Variants in SCN1A observed in about 807,000 individuals in gnomAD.
SCN1A encodes sodium voltage-gated channel alpha subunit 1, also known as sodium channel protein type 1 subunit alpha.
A neutral mutation model predicts 193.7 loss-of-function variants in SCN1A; 13 were observed. The observed-to-expected ratio is 0.07, with a 90% CI of 0.04 to 0.11. SCN1A has a LOEUF of 0.11. SCN1A is among the 10% of genes least tolerant of loss of function. SCN1A has a pLI of 1.00. For missense variants in SCN1A, 1,432 were observed against 2,451.1 expected (o/e 0.58, Z 8.78); for synonymous variants, 781 against 843.6 (o/e 0.93, Z 1.29).
chr2:166,035,475 T>C (rs1448331425), intron 19 of SCN1A, among the ~76,000 whole-genome samples: 2 of 152,154 alleles, frequency 1.3e-5, no homozygotes, highest in Non-Finnish European at 2.9e-5. Context: ...ATGGAAAATA[T>C]ATAATAATAA....
At chr2:166,017,171 C>G (rs142378738) in intron 19 of SCN1A, among the ~76,000 whole-genome samples, 1 of 151,676 alleles carries the variant, frequency 6.6e-6, no homozygotes, top group African/African-American at 2.4e-5. Context: ...TCACTGAAGA[C>G]TAATTTCAAC....
rs1043098081 is a variant in SCN1A at position 165,987,348 on chromosome 2, T to G, written c.*3897A>C. 6.6e-6 allele frequency: 1 copy of G among 152,156 alleles called. No individual in the cohort carries two copies. The highest frequency in any genetic ancestry group is 2.4e-5 in the African/African-American group (1 of 41,434). 9.4% of individuals were successfully genotyped at this position (152,156 alleles called of 1,614,324 possible). ...AGTATACTTTCTTCTGTTTAAATTT[T>G]CTACTTAATAGAGAAGAGATACTTT... On this transcript the variant is annotated 3_prime_UTR_variant, in exon 29 of 29. Coordinates refer to ENST00000674923, the MANE Select transcript of SCN1A (RefSeq NM_001165963.4).
rs1057524122 is a variant in SCN1A, at chr2:166,015,632, A to C, written c.3525T>G (p.Leu1175=). ...EQPVVEPEET[L]EPEACFTEGC... is the part of the protein sequence containing the mutation. Reference sequence around the variant, plus strand: ...CTTCAGTGAAACAAGCTTCTGGTTCAAGAGTTTCTTCAGGTTCCACTACGG... The same window carrying C: ...CTTCAGTGAAACAAGCTTCTGGTTCCAGAGTTTCTTCAGGTTCCACTACGG... Residue 1175 remains leucine (L), a synonymous_variant, in exon 20 of 29, where the codon CTT becomes CTG. Transcript: ENST00000674923. 5 of 1,612,664 alleles carry C rather than the reference A, an allele frequency of 3.1e-6. No individual in the cohort carries two copies. The highest frequency in any genetic ancestry group is 4.2e-6 in the Non-Finnish European group (5 of 1,178,960).
chr2:166,096,800 C>T (rs72875649), intron 2 of SCN1A, among the ~76,000 whole-genome samples: 29 of 152,060 alleles, frequency 1.9e-4, no homozygotes, highest in Non-Finnish European at 3.8e-4. Flanking sequence ...ATATGTGTGA[C>T]TTTTTGTTGT....
intron 2 of SCN1A, among the ~76,000 whole-genome samples, chr2:166,113,807 G>A (rs940961163): frequency 1.8e-4 from 27 of 152,026 alleles, no homozygotes; most frequent in Admixed American, 7.9e-4. Context: ...ACTGAAGGCC[G>A]TAACTTCACC....
rs149217934 is a variant in SCN1A, at chr2:166,085,358, C to G, written c.-141-7557G>C. Reference sequence around the variant, plus strand: ...GGTGTGAAATGGTTCAACAGAAATACTTGAGCTGCTGCAGCCAGAAGGATG... The same window carrying G: ...GGTGTGAAATGGTTCAACAGAAATAGTTGAGCTGCTGCAGCCAGAAGGATG... On this transcript the variant is annotated intron_variant, in intron 2 of 28. Transcript: ENST00000674923. Among the ~76,000 whole-genome samples the G allele has an allele frequency of 6.6e-5, 10 of 152,282 alleles. No individual in the cohort carries two copies. The East Asian group carries it at 1.7e-3, about 26-fold the overall frequency.
chr2:165,995,870 G>A (rs1689962600), intron 27 of SCN1A, 143 bp downstream of exon 27: 3 of 637,914 alleles, frequency 4.7e-6, no homozygotes, highest in Non-Finnish European at 8.4e-6. Context: ...TATCATAAAA[G>A]ATACAAACAT....
chr2:166,038,360 CT>C lies in SCN1A; in HGVS notation c.2590-229del, dbSNP rs1054870004. Among the ~76,000 whole-genome samples, 15 of 149,962 alleles carry C rather than the reference CT, an allele frequency of 1.0e-4. 1 individual carries two copies. The South Asian group carries it at 1.5e-3, about 15-fold the overall frequency. On this transcript the variant is annotated intron_variant, in intron 17 of 28. Coordinates refer to ENST00000674923, the MANE Select transcript of SCN1A (RefSeq NM_001165963.4). ...TGGTGAATTATTTTTCTTTCCTTTT[CT>C]TTTTTTTTTTCTTTTGTCACCCAGG...
In SCN1A at chr2:166,091,155, C is replaced by T. The variant is rs143660272; in HGVS notation, c.-141-13354G>A. Among the ~76,000 whole-genome samples, 58 of 152,272 alleles carry T rather than the reference C, an allele frequency of 3.8e-4. No homozygotes were observed. In the East Asian group the frequency reaches 9.5e-3, roughly 25 times the overall value. On this transcript the variant is annotated intron_variant, in intron 2 of 28. Coordinates refer to ENST00000674923, the MANE Select transcript of SCN1A (RefSeq NM_001165963.4). Reference sequence around the variant, plus strand: ...ATAGCTTTGCAGCAACATACTAATGCGGTAGGGAGATGCTGCAGAGAGGCT... The same window carrying T: ...ATAGCTTTGCAGCAACATACTAATGTGGTAGGGAGATGCTGCAGAGAGGCT...
intron 21 of SCN1A, among the ~76,000 whole-genome samples, chr2:166,012,612 CTTTT>C (rs60890420): frequency 3.9e-3 from 300 of 77,232 alleles, no homozygotes; most frequent in East Asian, 0.015. Flanking sequence ...CTTCTATTGG[CTTTT>C]TTTTTTTTTT....
chr2:166,088,145 TCAAC>T (rs1290719997), intron 2 of SCN1A, among the ~76,000 whole-genome samples: 1 of 152,020 alleles, frequency 6.6e-6, no homozygotes, highest in African/African-American at 2.4e-5. Context: ...AAATAATTGG[TCAAC>T]CACCCATCAC....
At chr2:166,051,693 G>A (rs755544146) in intron 9 of SCN1A, 26 bp downstream of exon 9, 19 of 1,551,124 alleles carry the variant, frequency 1.2e-5, no homozygotes, top group Non-Finnish European at 1.6e-5. Context: ...ACTTTTTAAG[G>A]AAATGTACAT....
At chr2:165,993,182 T>TGTGA (rs1248460727) in intron 28 of SCN1A, 1 of 108,368 alleles carries the variant, frequency 9.2e-6, no homozygotes, top group African/African-American at 4.0e-5. Flanking sequence ...AGTGTAAGAG[T>TGTGA]GTGTGTGTGT....
intron 2 of SCN1A, among the ~76,000 whole-genome samples, chr2:166,082,863 C>A (rs936396805): frequency 6.6e-6 from 1 of 151,920 alleles, no homozygotes; most frequent in African/African-American, 2.4e-5. Flanking sequence ...AGTTTAATAT[C>A]CATACTGAAG....
chr2:166,095,686 A>T (rs1183360111), intron 2 of SCN1A, among the ~76,000 whole-genome samples: 2 of 152,190 alleles, frequency 1.3e-5, no homozygotes, highest in Non-Finnish European at 2.9e-5. Context: ...AATATACTAC[A>T]CGCTAACCAA....
intron 19 of SCN1A, among the ~76,000 whole-genome samples, chr2:166,025,609 T>C (rs1399619194): frequency 1.3e-5 from 2 of 152,208 alleles, no homozygotes; most frequent in Non-Finnish European, 2.9e-5. Flanking sequence ...GTGGGGATTA[T>C]ACAAGGGCAA....
rs756025632 is a variant in SCN1A at position 165,989,086 on chromosome 2, TCCC to T, written c.*2156_*2158del. On this transcript the variant is annotated 3_prime_UTR_variant, in exon 29 of 29. Transcript: ENST00000674923. ...TGTGTGTGCGCGCGCGCTCCCCTTC[TCCC>T]CCAATTTGTAATGTAAAAAATCTCC... 9 of 150,988 alleles carry T rather than the reference TCCC, an allele frequency of 6.0e-5. No homozygotes were observed. Among genetic ancestry groups the T allele is most frequent in the Non-Finnish European group, 1.0e-4 (7 of 67,798 alleles). 9.4% of individuals were successfully genotyped at this position (150,988 alleles called of 1,614,324 possible). A position where few individuals can be genotyped will look rare whatever the true frequency, so the allele number is the denominator to read the frequency against.
intron 2 of SCN1A, among the ~76,000 whole-genome samples, chr2:166,109,881 G>A (rs1036932604): frequency 6.6e-6 from 1 of 151,784 alleles, no homozygotes; most frequent in African/African-American, 2.4e-5. Flanking sequence ...TGGGGAGGTG[G>A]GAATGATTAA....
At chr2:166,051,685 T>C in intron 9 of SCN1A, 34 bp downstream of exon 9, 1 of 1,524,966 alleles carries the variant, frequency 6.6e-7, no homozygotes, top group Non-Finnish European at 9.0e-7. Flanking sequence ...CCAATTCTAC[T>C]TTTTAAGGAA....
Sources: gnomAD v4.1 joint callset for allele counts (sites outside exome capture counted in the v4.1 genomes callset) on GRCh38, gnomAD v4.1.1 for gene constraint, MANE v1.5 for transcripts, NCBI Gene and HGNC (gene_info 2026-07-23, HGNC 2026-07-21) for gene names.